The following OSBPL1A variants were observed in gnomAD, a reference collection of about 807,000 sequenced individuals.
The protein encoded by OSBPL1A is oxysterol-binding protein-related protein 1.
Under a neutral mutation model 137.1 loss-of-function variants are expected in OSBPL1A, and 80 were observed. The ratio of observed to expected loss-of-function variants is 0.58; its 90% CI spans 0.49 to 0.70. The LOEUF is 0.70. Ranked by LOEUF, OSBPL1A falls within the 30% of genes least tolerant of loss-of-function variation. The probability of loss-of-function intolerance (pLI) is 0.00; values close to 1 mark genes in which losing one functional copy is unlikely to be tolerated. For missense variants in OSBPL1A, 970 were observed against 1,129.4 expected, an observed-to-expected ratio of 0.86 and a Z score of 2.02; for synonymous variants, 365 against 389.7, an observed-to-expected ratio of 0.94 and a Z score of 0.75.
chr18:24,179,769 G>A lies in OSBPL1A; in HGVS notation c.1879C>T (p.Pro627Ser), dbSNP rs2086550361. 1 of 1,614,142 alleles carries A rather than the reference G, an allele frequency of 6.2e-7. No individual in the cohort carries two copies. Among genetic ancestry groups the A allele is most frequent in the East Asian group, 2.2e-5 (1 of 44,878 alleles). Residue 627 changes from proline to serine, a missense_variant, in exon 20 of 28, where the codon CCA becomes TCA. Transcript: ENST00000319481. ...AATTCATAAGTCTCTCCCAGCAGTG[G>A]GTTGAAAGGTTTTCCAGTCCGTTCC... ...QWERTGKPFN[P>S]LLGETYELVR... is the part of the protein sequence containing the mutation.
intron 18 of OSBPL1A, among the ~76,000 whole-genome samples, chr18:24,188,063 G>C (rs2086795951): frequency 6.6e-6 from 1 of 152,192 alleles, no homozygotes; most frequent in East Asian, 1.9e-4. Context: ...CTGTAAGTCT[G>C]ATTTTGAATT....
rs1332328651 is a variant in OSBPL1A at position 24,170,373 on chromosome 18, T to G, written c.2372A>C (p.Lys791Thr). 13 of 1,614,234 alleles carry G rather than the reference T, an allele frequency of 8.1e-6. No homozygotes were observed. Among genetic ancestry groups the G allele is most frequent in the Non-Finnish European group, 1.1e-5 (13 of 1,180,028 alleles). The change falls in exon 24 of 28, where the codon AAA (lysine) becomes ACA (threonine). Residue 791 changes from lysine to threonine, a missense_variant. By Grantham distance (78) the Lys-to-Thr change is moderately conservative (BLOSUM62 -1). Coordinates refer to ENST00000319481, the MANE Select transcript of OSBPL1A (RefSeq NM_080597.4). ...SVDPATFDAY[K>T]KNDKKNTEEK... ...TTCTGTATTTTTCTTATCATTTTTT[T>G]TGTAAGCGTCAAACGTGGCAGGGTC...
intron 14 of OSBPL1A, among the ~76,000 whole-genome samples, chr18:24,284,289 T>C (rs1222812447): frequency 6.6e-6 from 1 of 152,154 alleles, no homozygotes; most frequent in Non-Finnish European, 1.5e-5. Flanking sequence ...GCAAATACGT[T>C]TTAGCTGGTT....
chr18:24,323,221 G>A (rs2730021), intron 7 of OSBPL1A, among the ~76,000 whole-genome samples: 3,581 of 151,842 alleles, frequency 0.024, 142 homozygotes, highest in African/African-American at 0.083. Flanking sequence ...CGATACTGTC[G>A]AAAGAAGAGA....
intron 2 of OSBPL1A, among the ~76,000 whole-genome samples, chr18:24,371,722 C>T (rs1340038531): frequency 6.6e-6 from 1 of 152,182 alleles, no homozygotes; most frequent in Non-Finnish European, 1.5e-5. Flanking sequence ...ACATTCCTTC[C>T]TGTCAACCCC....
rs5823416 is a variant in OSBPL1A, at chr18:24,226,887, A to ATTTTTTT, written c.1445-1696_1445-1690dup. On this transcript the variant is annotated intron_variant, in intron 16 of 27. Transcript: ENST00000319481. ...CCTATACCTCATAACAAAGAAACAG[A>ATTTTTTT]TTTTTTTTTTTTTTTTTTTTTTGAG... 7.0e-4 allele frequency among the ~76,000 whole-genome samples: 71 copies of ATTTTTTT among 100,854 alleles called. 1 individual carries two copies. Among genetic ancestry groups the ATTTTTTT allele is most frequent in the South Asian group, 1.1e-3 (3 of 2,724 alleles). 66.2% of individuals were successfully genotyped at this position (100,854 alleles called of 152,430 possible).
Position 24,172,361 on chromosome 18 carries a change from C to T in OSBPL1A, c.2201+15G>A. On this transcript the variant is annotated intron_variant, in intron 22 of 27. Coordinates refer to ENST00000319481, the MANE Select transcript of OSBPL1A (RefSeq NM_080597.4). The stretch of plus-strand genomic sequence containing the variant: ...GAAAACTGAAGGAATGGACGAAGTA[C>T]CCAAGGTGCCTTACTTGTGGTTTAT... 1.3e-6 allele frequency: 2 copies of T among 1,580,178 alleles called. No homozygotes were observed. The highest frequency in any genetic ancestry group is 1.7e-6 in the Non-Finnish European group (2 of 1,149,778).
chr18:24,348,785 A>G (rs575417407), intron 4 of OSBPL1A, among the ~76,000 whole-genome samples: 2 of 152,238 alleles, frequency 1.3e-5, no homozygotes, highest in South Asian at 4.1e-4. Flanking sequence ...AAAGAAAAAA[A>G]AGAAAAAAGC....
chr18:24,197,979 G>C (rs1469329080), intron 17 of OSBPL1A, among the ~76,000 whole-genome samples: 1 of 151,730 alleles, frequency 6.6e-6, no homozygotes, highest in Admixed American at 6.6e-5. Context: ...GTAGAGACGG[G>C]GTTTCACCAT....
chr18:24,168,388 C>T (rs1318287679), intron 24 of OSBPL1A, among the ~76,000 whole-genome samples: 2 of 152,122 alleles, frequency 1.3e-5, no homozygotes, highest in East Asian at 1.9e-4. Context: ...CTAAATGTAT[C>T]GATGCCACAA....
Position 24,179,760 on chromosome 18 carries a change from C to T in OSBPL1A, c.1888G>A (p.Gly630Arg). 6.2e-7 allele frequency: 1 copy of T among 1,614,104 alleles called. No individual in the cohort carries two copies. Among genetic ancestry groups the T allele is most frequent in the Non-Finnish European group, 8.5e-7 (1 of 1,180,002 alleles). ...RTGKPFNPLL[G>R]ETYELVRDDL... ...CACCGCACTAATTCATAAGTCTCTC[C>T]CAGCAGTGGGTTGAAAGGTTTTCCA... Residue 630 changes from glycine (G) to arginine (R), a missense_variant, in exon 20 of 28, where the codon GGA becomes AGA. By Grantham distance (125) the Gly-to-Arg change is moderately radical. Transcript: ENST00000319481.
chr18:24,283,207 G>A (rs1232253519), intron 14 of OSBPL1A, among the ~76,000 whole-genome samples: 3 of 142,568 alleles, frequency 2.1e-5, no homozygotes, highest in Non-Finnish European at 4.5e-5. Flanking sequence ...GGAGGTTGCA[G>A]TAAGCGGAGA....
chr18:24,204,261 TTTTAC>T (rs1280580593), intron 17 of OSBPL1A, among the ~76,000 whole-genome samples: 4 of 152,222 alleles, frequency 2.6e-5, no homozygotes, highest in Non-Finnish European at 5.9e-5. Flanking sequence ...TACCTTGTTA[TTTTAC>T]TTTGTTTTTC....
chr18:24,277,938 G>A (rs2089880689), intron 15 of OSBPL1A, among the ~76,000 whole-genome samples: 1 of 152,152 alleles, frequency 6.6e-6, no homozygotes, highest in Non-Finnish European at 1.5e-5. Flanking sequence ...AACATTAAAT[G>A]CTAGTTACTA....
At chr18:24,232,273 G>A (rs897404307) in intron 16 of OSBPL1A, among the ~76,000 whole-genome samples, 1 of 152,080 alleles carries the variant, frequency 6.6e-6, no homozygotes, top group East Asian at 1.9e-4. Context: ...AGTCCAGAGG[G>A]GGCTGCCAAG....
chr18:24,334,221 T>C (rs1156539658), intron 6 of OSBPL1A, 24 bp downstream of exon 6: 2 of 1,582,824 alleles, frequency 1.3e-6, no homozygotes, highest in East Asian at 2.3e-5. Context: ...TTTTTGTCTT[T>C]TGGGGGTTTT....
At chr18:24,342,359 C>G (rs974012414) in intron 4 of OSBPL1A, among the ~76,000 whole-genome samples, 1 of 152,090 alleles carries the variant, frequency 6.6e-6, no homozygotes, top group African/African-American at 2.4e-5. Context: ...AATGGAGGAA[C>G]AGAATTTCTG....
At chr18:24,279,949 C>G (rs1377315711) in intron 15 of OSBPL1A, among the ~76,000 whole-genome samples, 8 of 137,964 alleles carry the variant, frequency 5.8e-5, no homozygotes, top group African/African-American at 2.0e-4. Flanking sequence ...AAGTGATTCT[C>G]TGGCTGATTT....
intron 14 of OSBPL1A, among the ~76,000 whole-genome samples, chr18:24,303,271 G>C (rs2090438083): frequency 6.6e-6 from 1 of 152,114 alleles, no homozygotes; most frequent in South Asian, 2.1e-4. Context: ...AAAGTACTGG[G>C]ATTACAGGCA....
Sources: gnomAD v4.1 joint callset for allele counts (sites outside exome capture counted in the v4.1 genomes callset) on GRCh38, gnomAD v4.1.1 for gene constraint, MANE v1.5 for transcripts, NCBI Gene and HGNC (gene_info 2026-07-23, HGNC 2026-07-21) for gene names.